NFIB: variants seen among roughly 807,000 people sequenced by gnomAD.
The protein encoded by NFIB is nuclear factor 1 B-type.
Under a neutral mutation model 61.5 loss-of-function variants are expected in NFIB, and 11 were observed. That is an observed-to-expected ratio of 0.18 (90% CI 0.11 to 0.30). The LOEUF (loss-of-function observed/expected upper bound fraction) is 0.30. Among genes scored for constraint, NFIB ranks in the 10% least tolerant of loss-of-function variants. NFIB has a pLI of 1.00. For synonymous variants in NFIB, 260 were observed against 216.5 expected, an observed-to-expected ratio of 1.20 and a Z score of -1.76; for missense variants, 471 against 608.9, an observed-to-expected ratio of 0.77 and a Z score of 2.38.
chr9:14,275,963 C>A (rs1331138782), intron 2 of NFIB, among the ~76,000 whole-genome samples: 1 of 151,870 alleles, frequency 6.6e-6, no homozygotes, highest in Non-Finnish European at 1.5e-5. Context: ...AACTTTCTTA[C>A]CCTTAACCAA....
chr9:14,471,997 A>G, the NFIB span, among the ~76,000 whole-genome samples: 17 of 152,252 alleles, frequency 1.1e-4, no homozygotes, highest in African/African-American at 4.1e-4. Context: ...TTTTCCTTCA[A>G]TGAGTTCCCT....
chr9:14,292,207 C>T (rs946026569), intron 2 of NFIB, among the ~76,000 whole-genome samples: 45 of 152,172 alleles, frequency 3.0e-4, no homozygotes, highest in African/African-American at 1.0e-3. Flanking sequence ...GTAAAAGTAA[C>T]GCATCCAAAG....
At chr9:14,198,316 A>T (rs2048670478) in intron 2 of NFIB, among the ~76,000 whole-genome samples, 1 of 152,178 alleles carries the variant, frequency 6.6e-6, no homozygotes. Context: ...TCTACGTGTC[A>T]TTAAAAAAGC....
At position 14,276,531 on chromosome 9, in the gene NFIB, C is replaced by T. The variant is rs149915297; in HGVS notation, c.562+30458G>A. On this transcript the variant is annotated intron_variant, in intron 2 of 10. Transcript: ENST00000380953. The stretch of plus-strand genomic sequence containing the variant: ...TCAGAGAAGGCTGAAAGGTACAACG[C>T]CAAAGGCATTATCTGCGGACTCAGG... Among the ~76,000 whole-genome samples the T allele has an allele frequency of 8.1e-4, 123 of 152,164 alleles. 1 individual carries two copies. Among genetic ancestry groups the T allele is most frequent in the African/African-American group, 2.7e-3 (114 of 41,536 alleles).
chr9:14,294,512 A>G (rs758724836), intron 2 of NFIB, among the ~76,000 whole-genome samples: 1 of 152,246 alleles, frequency 6.6e-6, no homozygotes, highest in Non-Finnish European at 1.5e-5. Context: ...CTGTGGCTGC[A>G]CTTTGTTTCA....
At chr9:14,118,324 T>A (rs1203668639) in intron 8 of NFIB, among the ~76,000 whole-genome samples, 1 of 152,108 alleles carries the variant, frequency 6.6e-6, no homozygotes, top group African/African-American at 2.4e-5. Flanking sequence ...AGTACCTACC[T>A]GGAACAAAAT....
chr9:14,126,792 C>T (rs545371051), intron 6 of NFIB, among the ~76,000 whole-genome samples: 5 of 152,300 alleles, frequency 3.3e-5, no homozygotes, highest in African/African-American at 1.2e-4. Flanking sequence ...GGAGGGCGGA[C>T]TGGCCAAAAC....
chr9:14,431,439 G>C, the NFIB span, among the ~76,000 whole-genome samples: 1 of 152,198 alleles, frequency 6.6e-6, no homozygotes, highest in Non-Finnish European at 1.5e-5. Flanking sequence ...TATCAATGGA[G>C]GCTGGATGGT....
At chr9:14,177,246 A>G (rs952151835) in intron 3 of NFIB, among the ~76,000 whole-genome samples, 1 of 152,188 alleles carries the variant, frequency 6.6e-6, no homozygotes, top group African/African-American at 2.4e-5. Flanking sequence ...GAGCTTCCTA[A>G]AGATAAATTA....
chr9:14,200,865 C>T (rs1371456931), intron 2 of NFIB, among the ~76,000 whole-genome samples: 2 of 152,154 alleles, frequency 1.3e-5, no homozygotes, highest in Non-Finnish European at 2.9e-5. Flanking sequence ...CTAACCTCTT[C>T]TTTAACTGCA....
At chr9:14,224,048 C>A (rs2052042172) in intron 2 of NFIB, among the ~76,000 whole-genome samples, 1 of 152,178 alleles carries the variant, frequency 6.6e-6, no homozygotes, top group Non-Finnish European at 1.5e-5. Context: ...AAGGTCACAT[C>A]AAAATAAAAC....
At chr9:14,414,731 T>C in the NFIB span, among the ~76,000 whole-genome samples, 1 of 152,148 alleles carries the variant, frequency 6.6e-6, no homozygotes. Flanking sequence ...TTATTCATTT[T>C]AAAGGGAAAA....
the NFIB span, among the ~76,000 whole-genome samples, chr9:14,451,908 C>T: frequency 6.6e-6 from 1 of 151,896 alleles, no homozygotes; most frequent in Non-Finnish European, 1.5e-5. Context: ...ACCTGTCGTC[C>T]TGTTTTAATT....
At chr9:14,420,215 G>C in the NFIB span, among the ~76,000 whole-genome samples, 2 of 152,168 alleles carry the variant, frequency 1.3e-5, no homozygotes, top group East Asian at 3.9e-4. Context: ...GGGAGGCCGA[G>C]AAGGGCAGAT....
chr9:14,521,292 C>T, the NFIB span, among the ~76,000 whole-genome samples: 2 of 152,202 alleles, frequency 1.3e-5, no homozygotes, highest in African/African-American at 2.4e-5. Context: ...GGTCAAATCT[C>T]TTTGATTTGG....
intron 10 of NFIB, among the ~76,000 whole-genome samples, chr9:14,099,252 C>A (rs1167259017): frequency 6.6e-6 from 1 of 152,082 alleles, no homozygotes; most frequent in African/African-American, 2.4e-5. Flanking sequence ...CAAAAATAAC[C>A]TGTGATATTT....
chr9:14,142,710 GAAA>G (rs1187738555), intron 6 of NFIB, among the ~76,000 whole-genome samples: 2 of 152,052 alleles, frequency 1.3e-5, no homozygotes, highest in Non-Finnish European at 2.9e-5. Context: ...TGGAATAAAA[GAAA>G]TGTTCAACTT....
At chr9:14,456,034 T>G in the NFIB span, among the ~76,000 whole-genome samples, 1 of 152,182 alleles carries the variant, frequency 6.6e-6, no homozygotes, top group African/African-American at 2.4e-5. Context: ...CAAAAACAAG[T>G]TGGACCTGAC....
chr9:14,295,874 A>C (rs1052937775), intron 2 of NFIB, among the ~76,000 whole-genome samples: 1 of 152,214 alleles, frequency 6.6e-6, no homozygotes, highest in African/African-American at 2.4e-5. Context: ...TAATAAAATT[A>C]TTTGATTCCT....
Sources: gnomAD v4.1 joint callset for allele counts (sites outside exome capture counted in the v4.1 genomes callset) on GRCh38, gnomAD v4.1.1 for gene constraint, MANE v1.5 for transcripts, NCBI Gene and HGNC (gene_info 2026-07-23, HGNC 2026-07-21) for gene names.